The following CAB39L variants were observed in gnomAD, a reference collection of about 807,000 sequenced individuals.
The protein encoded by CAB39L is calcium-binding protein 39-like.
A neutral mutation model predicts 39.1 loss-of-function variants in CAB39L; 23 were observed. The observed-to-expected ratio is 0.59, with a 90% CI of 0.42 to 0.83. CAB39L has a LOEUF of 0.83. Among genes scored for constraint, CAB39L ranks in the 40% least tolerant of loss-of-function variants. CAB39L has a pLI of 0.00. For synonymous variants in CAB39L, 126 were observed against 137.2 expected (o/e 0.92, Z 0.57); for missense variants, 366 against 391.9 (o/e 0.93, Z 0.56).
chr13:49,418,962 T>C (rs937831025), intron 3 of CAB39L, among the ~76,000 whole-genome samples: 11 of 152,204 alleles, frequency 7.2e-5, no homozygotes, highest in Non-Finnish European at 8.8e-5. Flanking sequence ...ATTTACATTT[T>C]ATTCATCAAA....
chr13:49,362,617 G>C (rs555215693), intron 5 of CAB39L, among the ~76,000 whole-genome samples: 1 of 151,664 alleles, frequency 6.6e-6, no homozygotes, highest in South Asian at 2.1e-4. Flanking sequence ...AGTCTAGAAA[G>C]GGCAAATCTA....
chr13:49,343,817 A>C (rs1168921472), intron 8 of CAB39L, among the ~76,000 whole-genome samples: 1 of 152,214 alleles, frequency 6.6e-6, no homozygotes, highest in African/African-American at 2.4e-5. Context: ...TATTTTTACT[A>C]CTAAGTAAGA....
At chr13:49,344,364 T>C (rs111947749) in intron 7 of CAB39L, 126 bp from the exon 8 acceptor site, 171 of 605,936 alleles carry the variant, frequency 2.8e-4, no homozygotes, top group African/African-American at 2.8e-3. Context: ...CACAAAATTA[T>C]TTCCATTCCT....
chr13:49,388,312 C>G (rs777268482), intron 3 of CAB39L, among the ~76,000 whole-genome samples: 74 of 152,220 alleles, frequency 4.9e-4, no homozygotes, highest in African/African-American at 1.8e-3. Context: ...CTTGATCATT[C>G]GAACGATTTT....
At chr13:49,439,639 GT>G (rs1179462264) in intron 1 of CAB39L, among the ~76,000 whole-genome samples, 1 of 152,168 alleles carries the variant, frequency 6.6e-6, no homozygotes, top group Non-Finnish European at 1.5e-5. Context: ...GTAGTTCTGA[GT>G]TTTTTGAGAA....
In CAB39L at chr13:49,339,616, C is replaced by T. The variant is rs780189535; in HGVS notation, c.690+61G>A. The T allele has an allele frequency of 2.0e-4, 283 of 1,425,904 alleles. No homozygotes were observed. In the Admixed American group the frequency reaches 2.8e-3, roughly 14 times the overall value. The allele number at this position is 1,425,904 out of a possible 1,614,324, so 88.3% of individuals were successfully genotyped here. The stretch of plus-strand genomic sequence containing the variant: ...GTGTTTACTCATATACTAATAGACC[C>T]GTCATTTGCTAATGAGATATAAACT... On this transcript the variant is annotated intron_variant, in intron 9 of 10. Transcript: ENST00000409308.
At chr13:49,434,392 A>G (rs556340934) in intron 1 of CAB39L, among the ~76,000 whole-genome samples, 169 bp from the exon 2 acceptor site, 1 of 152,354 alleles carries the variant, frequency 6.6e-6, no homozygotes, top group East Asian at 1.9e-4. Context: ...AACAAATGAT[A>G]TAGCATATAT....
chr13:49,350,306 A>G (rs894617400), intron 7 of CAB39L, among the ~76,000 whole-genome samples: 2 of 152,202 alleles, frequency 1.3e-5, no homozygotes, highest in African/African-American at 4.8e-5. Flanking sequence ...ATATTCAAAG[A>G]TGTAATTCTC....
Position 49,443,986 on chromosome 13 carries a change from C to G in CAB39L, c.-246G>C, listed in dbSNP as rs1242164364. The G allele has an allele frequency of 4.4e-6, 2 of 456,808 alleles. No homozygotes were observed. Among genetic ancestry groups the G allele is most frequent in the Admixed American group, 2.3e-5 (1 of 42,588 alleles). The allele number at this position is 456,808 out of a possible 1,614,324, so 28.3% of individuals were successfully genotyped here. On this transcript the variant is annotated splice_region_variant and 5_prime_UTR_variant, in exon 1 of 11. Coordinates refer to ENST00000409308, the MANE Select transcript of CAB39L (RefSeq NM_001079670.3). ...CACAAGATGGCAGCCTCACACCTAC[C>G]GGAGGAAACAGCTGCGCCACCACTC... is the stretch of plus-strand genomic sequence containing the variant.
chr13:49,324,133 G>A (rs889473952), intron 10 of CAB39L, among the ~76,000 whole-genome samples: 1 of 151,754 alleles, frequency 6.6e-6, no homozygotes, highest in African/African-American at 2.4e-5. Flanking sequence ...CCAACTTGGT[G>A]AAACCCCATC....
intron 3 of CAB39L, among the ~76,000 whole-genome samples, chr13:49,427,970 T>C (rs1208569391): frequency 1.3e-5 from 2 of 152,172 alleles, no homozygotes; most frequent in African/African-American, 2.4e-5. Flanking sequence ...TACACCCTAA[T>C]GACTTGATCA....
rs1271657259 is a variant in CAB39L at position 49,371,980 on chromosome 13, T to C, written c.276+4987A>G. Among the ~76,000 whole-genome samples, 5 of 152,204 alleles carry C rather than the reference T, an allele frequency of 3.3e-5. No homozygotes were observed. The East Asian group carries it at 9.6e-4, about 29-fold the overall frequency. ...ACAATTTTCTGCTTCTTTGAGCTGC[T>C]TATTCAGCCTGAACAGTTCACTTTG... On this transcript the variant is annotated intron_variant, in intron 5 of 10. Transcript: ENST00000409308.
At chr13:49,406,581 T>G (rs553403766) in intron 3 of CAB39L, among the ~76,000 whole-genome samples, 32 of 152,120 alleles carry the variant, frequency 2.1e-4, no homozygotes, top group Non-Finnish European at 4.0e-4. Context: ...TATCAAAATA[T>G]CTCATGTATC....
intron 6 of CAB39L, among the ~76,000 whole-genome samples, chr13:49,359,154 A>G (rs1955562857): frequency 6.6e-6 from 1 of 152,178 alleles, no homozygotes; most frequent in South Asian, 2.1e-4. Flanking sequence ...TATGATTCAG[A>G]GTAGCCTCCA....
chr13:49,436,405 A>G (rs1042624490), intron 1 of CAB39L, among the ~76,000 whole-genome samples: 8 of 151,940 alleles, frequency 5.3e-5, no homozygotes, highest in Non-Finnish European at 1.0e-4. Context: ...CTTATTTTCT[A>G]TATCAATCAC....
chr13:49,407,373 T>A (rs774643482), intron 3 of CAB39L, among the ~76,000 whole-genome samples: 2 of 152,198 alleles, frequency 1.3e-5, no homozygotes, highest in Non-Finnish European at 2.9e-5. Flanking sequence ...CTTGGCATAC[T>A]CGTACTATAA....
At chr13:49,413,336 C>G (rs940228843) in intron 3 of CAB39L, among the ~76,000 whole-genome samples, 2 of 152,014 alleles carry the variant, frequency 1.3e-5, no homozygotes, top group Non-Finnish European at 2.9e-5. Flanking sequence ...AAATCATAGA[C>G]TTTATAAATT....
At chr13:49,396,938 C>G (rs1344397127) in intron 3 of CAB39L, among the ~76,000 whole-genome samples, 1 of 152,060 alleles carries the variant, frequency 6.6e-6, no homozygotes, top group Non-Finnish European at 1.5e-5. Context: ...ATATGAAAAT[C>G]TTAAAACAAA....
chr13:49,393,174 GAAC>G (rs1447227073), intron 3 of CAB39L: 8 of 151,980 alleles, frequency 5.3e-5, no homozygotes, highest in African/African-American at 1.7e-4. Flanking sequence ...CTAAAAATAT[GAAC>G]AACTGAAATT....
Sources: gnomAD v4.1 joint callset for allele counts (sites outside exome capture counted in the v4.1 genomes callset) on GRCh38, gnomAD v4.1.1 for gene constraint, MANE v1.5 for transcripts, NCBI Gene and HGNC (gene_info 2026-07-23, HGNC 2026-07-21) for gene names.